Variants in ADGRV1 observed in about 807,000 individuals in gnomAD.
ADGRV1 encodes the protein G-protein coupled receptor 98.
ADGRV1 carries 359 observed loss-of-function variants against 596.2 expected under a neutral mutation model. The ratio of observed to expected loss-of-function variants is 0.60; its 90% CI spans 0.55 to 0.66. The LOEUF (loss-of-function observed/expected upper bound fraction) is 0.66, where lower values mean the gene tolerates loss of function less well. Among genes scored for constraint, ADGRV1 ranks in the 30% least tolerant of loss-of-function variants. ADGRV1 has a pLI of 0.00. For synonymous variants in ADGRV1, 2,681 were observed against 2,679.2 expected (o/e 1.00, Z -0.02); for missense variants, 7,274 against 7,575.6 (o/e 0.96, Z 1.48).
intron 1 of ADGRV1, among the ~76,000 whole-genome samples, chr5:90,596,948 G>T (rs1760763576): frequency 6.6e-6 from 1 of 152,130 alleles, no homozygotes; most frequent in African/African-American, 2.4e-5. Context: ...AGTGGTGGGT[G>T]GTCTTTTTAG....
chr5:90,896,142 T>A (rs1771290369), intron 83 of ADGRV1, among the ~76,000 whole-genome samples: 1 of 152,146 alleles, frequency 6.6e-6, no homozygotes. Context: ...GCAATAGATC[T>A]GAAGTTTCTT....
At chr5:90,574,180 TTA>T (rs199656616) in intron 1 of ADGRV1, among the ~76,000 whole-genome samples, 4 of 147,990 alleles carry the variant, frequency 2.7e-5, no homozygotes, top group African/African-American at 1.1e-4. Context: ...TTTTTTTTTT[TTA>T]AATTCTGTGA....
At chr5:90,680,755 A>T (rs978883227) in intron 26 of ADGRV1, among the ~76,000 whole-genome samples, 1 of 152,198 alleles carries the variant, frequency 6.6e-6, no homozygotes, top group Non-Finnish European at 1.5e-5. Flanking sequence ...TAAAATTTGA[A>T]CATACTTTTT....
chr5:90,822,420 T>G (rs1342031363), intron 75 of ADGRV1, among the ~76,000 whole-genome samples: 1 of 152,212 alleles, frequency 6.6e-6, no homozygotes, highest in Non-Finnish European at 1.5e-5. Context: ...CTGTTCCTAT[T>G]CGGCCATCTT....
intron 88 of ADGRV1, among the ~76,000 whole-genome samples, chr5:91,152,927 G>A (rs895774724): frequency 4.6e-5 from 7 of 152,200 alleles, no homozygotes; most frequent in South Asian, 4.2e-4. Flanking sequence ...TCCTCCCACC[G>A]AAATTTAAGG....
Position 90,725,235 on chromosome 5 carries a change from A to T in ADGRV1, c.10053+3A>T. 2 of 1,396,918 alleles carry T rather than the reference A, an allele frequency of 1.4e-6. No individual in the cohort carries two copies. Among genetic ancestry groups the T allele is most frequent in the Non-Finnish European group, 1.9e-6 (2 of 1,043,636 alleles). 86.5% of individuals were successfully genotyped at this position (1,396,918 alleles called of 1,614,324 possible). ...CATCTGGATTTAAATTATTCCTGGTAAAAACATTTTCATTTTTAAATAGAT... is the reference window on the plus strand; with the variant it reads ...CATCTGGATTTAAATTATTCCTGGTTAAAACATTTTCATTTTTAAATAGAT... On this transcript the variant is annotated splice_donor_region_variant and intron_variant, in intron 47 of 89. Transcript: ENST00000405460.
At chr5:90,801,537 T>C (rs1761375905) in intron 70 of ADGRV1, among the ~76,000 whole-genome samples, 1 of 152,086 alleles carries the variant, frequency 6.6e-6, no homozygotes. Flanking sequence ...TATTTGTTTT[T>C]TTTTTTTAGC....
intron 60 of ADGRV1, among the ~76,000 whole-genome samples, chr5:90,774,523 G>A (rs1019102261): frequency 6.6e-6 from 1 of 152,074 alleles, no homozygotes; most frequent in Non-Finnish European, 1.5e-5. Flanking sequence ...ATACAGCTTA[G>A]CTGTGTAATT....
In ADGRV1 at chr5:90,712,431, A is replaced by G. The variant is rs775123119; in HGVS notation, c.9184+3A>G. ...AGAGCTAGGGAAAAATACAATAGGT[A>G]ATTAATAATTTCTTATAAACAGCTT... On this transcript the variant is annotated splice_donor_region_variant and intron_variant, in intron 42 of 89. Transcript: ENST00000405460. The G allele has an allele frequency of 6.3e-7, 1 of 1,577,090 alleles. No homozygotes were observed. The highest frequency in any genetic ancestry group is 1.2e-5 in the South Asian group (1 of 85,098).
At chr5:91,150,247 C>T (rs902895779) in intron 88 of ADGRV1, 26 bp downstream of exon 88, 9 of 1,447,324 alleles carry the variant, frequency 6.2e-6, no homozygotes, top group Non-Finnish European at 8.3e-6. Context: ...CTTTCATTCT[C>T]TGTCTCTCTG....
At chr5:90,730,489 C>G (rs1006956340) in intron 50 of ADGRV1, among the ~76,000 whole-genome samples, 3 of 152,078 alleles carry the variant, frequency 2.0e-5, no homozygotes, top group Admixed American at 1.3e-4. Flanking sequence ...GAGAATTCTT[C>G]CATCTTCATG....
At chr5:90,965,008 G>T (rs1025098410) in intron 83 of ADGRV1, among the ~76,000 whole-genome samples, 1 of 152,172 alleles carries the variant, frequency 6.6e-6, no homozygotes, top group African/African-American at 2.4e-5. Flanking sequence ...GAGGCTGCAG[G>T]TGATGGTAAA....
chr5:91,010,152 T>C (rs959309529), intron 85 of ADGRV1, among the ~76,000 whole-genome samples: 1 of 152,058 alleles, frequency 6.6e-6, no homozygotes, highest in African/African-American at 2.4e-5. Flanking sequence ...TCTGTGTTAA[T>C]AGGGGAACAA....
At chr5:91,119,013 C>T (rs1057017718) in intron 87 of ADGRV1, among the ~76,000 whole-genome samples, 7 of 152,130 alleles carry the variant, frequency 4.6e-5, no homozygotes, top group Admixed American at 2.0e-4. Context: ...CATTCTCATA[C>T]ATTCACAGCT....
chr5:90,976,316 G>GTATATATATATATA (rs1434888267), intron 84 of ADGRV1, among the ~76,000 whole-genome samples: 1 of 121,474 alleles, frequency 8.2e-6, no homozygotes, highest in African/African-American at 3.5e-5. Flanking sequence ...GTGTGTGTGT[G>GTATATATATATATA]TGTGTGTATA....
In ADGRV1 at chr5:90,872,298, T is replaced by G. The variant is rs1232828886; in HGVS notation, c.17856+8441T>G. ...TGTTTATAGTTTTTAAGAGTTTTTT[T>G]TCCCTGATCTGAGTATTTTCTAAGT... On this transcript the variant is annotated intron_variant, in intron 83 of 89. Transcript: ENST00000405460. 3.9e-5 allele frequency among the ~76,000 whole-genome samples: 6 copies of G among 152,214 alleles called. No individual in the cohort carries two copies. In the East Asian group the frequency reaches 1.2e-3, roughly 29 times the overall value.
intron 74 of ADGRV1, among the ~76,000 whole-genome samples, chr5:90,813,105 C>T (rs1762581155): frequency 9.8e-6 from 1 of 101,902 alleles, no homozygotes; most frequent in Non-Finnish European, 1.9e-5. Context: ...TACACTCCAG[C>T]CTGGGCGACA....
chr5:91,155,341 G>A (rs1796389866), intron 89 of ADGRV1, among the ~76,000 whole-genome samples: 1 of 152,182 alleles, frequency 6.6e-6, no homozygotes, highest in Non-Finnish European at 1.5e-5. Context: ...GAGGCTTAAT[G>A]GTGTGTGGCC....
At chr5:91,081,636 A>G (rs1308158321) in intron 86 of ADGRV1, among the ~76,000 whole-genome samples, 1 of 151,994 alleles carries the variant, frequency 6.6e-6, no homozygotes, top group Non-Finnish European at 1.5e-5. Context: ...AAATACAAAA[A>G]TTAGCCGGGC....
Sources: allele counts gnomAD v4.1 joint callset (sites outside exome capture counted in the v4.1 genomes callset), GRCh38; gene constraint gnomAD v4.1.1; transcripts MANE v1.5; gene names NCBI Gene and HGNC (gene_info 2026-07-23, HGNC 2026-07-21).